DLG2: variants seen among roughly 807,000 people sequenced by gnomAD.
DLG2 encodes the protein discs large MAGUK scaffold protein 2.
A neutral mutation model predicts 132.5 loss-of-function variants in DLG2; 45 were observed. The observed-to-expected ratio is 0.34, with a 90% CI of 0.27 to 0.44. The LOEUF (loss-of-function observed/expected upper bound fraction) is 0.44. Among genes scored for constraint, DLG2 ranks in the 20% least tolerant of loss-of-function variants. DLG2 has a pLI of 1.00. For synonymous variants in DLG2, 424 were observed against 419.6 expected (o/e 1.01, Z -0.13); for missense variants, 1,045 against 1,196.9 (o/e 0.87, Z 1.87).
In DLG2 at chr11:83,930,317, G is replaced by A. The variant is rs190541287; in HGVS notation, c.1496+11C>T. The A allele has an allele frequency of 2.4e-5, 38 of 1,612,776 alleles. No homozygotes were observed. The highest frequency in any genetic ancestry group is 1.2e-4 in the African/African-American group (9 of 75,016). The stretch of plus-strand genomic sequence containing the variant: ...GTTCGAGAAGATGAAGTGAGGAAGC[G>A]CATGCAGTACCTGGTCATCTCAGAG... On this transcript the variant is annotated intron_variant, in intron 15 of 27. Coordinates refer to ENST00000376104, the MANE Select transcript of DLG2 (RefSeq NM_001142699.3).
intron 10 of DLG2, among the ~76,000 whole-genome samples, chr11:84,065,182 C>T (rs1186542088): frequency 6.6e-6 from 1 of 152,022 alleles, no homozygotes; most frequent in African/African-American, 2.4e-5. Flanking sequence ...GATAAAGATG[C>T]CAAAAGCAAT....
At chr11:85,122,653 C>G (rs543960967) in intron 5 of DLG2, among the ~76,000 whole-genome samples, 1 of 151,956 alleles carries the variant, frequency 6.6e-6, no homozygotes, top group Admixed American at 6.6e-5. Context: ...AACGCAGATT[C>G]TGATTCAGTA....
chr11:85,496,277 C>T (rs554721041), intron 3 of DLG2, among the ~76,000 whole-genome samples: 2 of 152,326 alleles, frequency 1.3e-5, no homozygotes, highest in East Asian at 3.9e-4. Context: ...AGGTCTCACT[C>T]CCATGGAGCA....
intron 3 of DLG2, among the ~76,000 whole-genome samples, chr11:85,415,297 G>A (rs769657315): frequency 9.9e-5 from 15 of 152,134 alleles, no homozygotes; most frequent in Non-Finnish European, 2.1e-4. Flanking sequence ...CTTTGCTATT[G>A]TGAATAGTGC....
chr11:84,709,807 G>C (rs1361589293), intron 6 of DLG2, among the ~76,000 whole-genome samples: 2 of 151,878 alleles, frequency 1.3e-5, no homozygotes, highest in Non-Finnish European at 2.9e-5. Flanking sequence ...CACTTCTCAA[G>C]AAGTGTTGGA....
At chr11:84,054,538 T>A (rs577313438) in intron 11 of DLG2, among the ~76,000 whole-genome samples, 1 of 152,064 alleles carries the variant, frequency 6.6e-6, no homozygotes, top group Non-Finnish European at 1.5e-5. Context: ...TTTCTACCTA[T>A]TTTGAGAAAA....
At chr11:84,338,228 T>C (rs1039693040) in intron 7 of DLG2, among the ~76,000 whole-genome samples, 8 of 152,176 alleles carry the variant, frequency 5.3e-5, no homozygotes, top group Non-Finnish European at 1.0e-4. Flanking sequence ...CCACAGACGT[T>C]TACCCAACTA....
intron 18 of DLG2, among the ~76,000 whole-genome samples, chr11:83,768,061 C>T (rs531155588): frequency 5.3e-5 from 8 of 152,204 alleles, no homozygotes; most frequent in African/African-American, 1.9e-4. Context: ...CCATTATATC[C>T]ATAATCTCAC....
chr11:84,694,942 C>T (rs1595902068), intron 6 of DLG2, among the ~76,000 whole-genome samples: 2 of 151,674 alleles, frequency 1.3e-5, no homozygotes, highest in East Asian at 1.9e-4. Flanking sequence ...AATTTATTAA[C>T]AGTTAACATG....
At chr11:83,899,390 T>C (rs1191915474) in intron 15 of DLG2, among the ~76,000 whole-genome samples, 2 of 152,200 alleles carry the variant, frequency 1.3e-5, no homozygotes, top group African/African-American at 4.8e-5. Flanking sequence ...TGTGAAGTGA[T>C]GTTGGTTCTA....
chr11:84,369,652 T>C (rs1227854175), intron 7 of DLG2, among the ~76,000 whole-genome samples: 1 of 152,134 alleles, frequency 6.6e-6, no homozygotes, highest in Admixed American at 6.6e-5. Context: ...AAAGGCTTCA[T>C]GCCACAGACA....
chr11:84,052,229 G>T (rs1393647767), intron 11 of DLG2, among the ~76,000 whole-genome samples: 1 of 151,480 alleles, frequency 6.6e-6, no homozygotes, highest in Admixed American at 6.6e-5. Flanking sequence ...TAGAGCTAAA[G>T]AAAAAATACA....
intron 14 of DLG2, among the ~76,000 whole-genome samples, chr11:83,948,443 A>G (rs1219022249): frequency 6.6e-6 from 1 of 152,148 alleles, no homozygotes; most frequent in Non-Finnish European, 1.5e-5. Context: ...CTCCCCACCC[A>G]GCACTCCATG....
At chr11:83,840,512 A>C (rs535243020) in intron 16 of DLG2, among the ~76,000 whole-genome samples, 1 of 152,204 alleles carries the variant, frequency 6.6e-6, no homozygotes, top group Non-Finnish European at 1.5e-5. Context: ...CAGGATGAGA[A>C]GGAAATATAG....
intron 8 of DLG2, among the ~76,000 whole-genome samples, chr11:84,173,788 T>C (rs907633653): frequency 2.0e-5 from 3 of 152,134 alleles, no homozygotes; most frequent in African/African-American, 7.2e-5. Flanking sequence ...TTCCCAGTCT[T>C]CATTTGCCCT....
At chr11:85,294,833 A>G (rs1410923629) in intron 3 of DLG2, among the ~76,000 whole-genome samples, 1 of 152,168 alleles carries the variant, frequency 6.6e-6, no homozygotes, top group Non-Finnish European at 1.5e-5. Context: ...ATTGTTATTT[A>G]CAAGTTTTTA....
intron 6 of DLG2, among the ~76,000 whole-genome samples, chr11:84,730,249 T>A (rs2062996625): frequency 6.6e-6 from 1 of 152,008 alleles, no homozygotes; most frequent in Non-Finnish European, 1.5e-5. Context: ...GAAAGTTAAT[T>A]TTCTTAAGTA....
chr11:85,297,721 G>A (rs574290690), intron 3 of DLG2, among the ~76,000 whole-genome samples: 2 of 152,216 alleles, frequency 1.3e-5, no homozygotes, highest in Non-Finnish European at 2.9e-5. Context: ...TGGTGAAGGA[G>A]TTTGGAGAAC....
intron 11 of DLG2, among the ~76,000 whole-genome samples, chr11:84,038,694 G>C (rs945452113): frequency 6.6e-6 from 1 of 151,978 alleles, no homozygotes; most frequent in African/African-American, 2.4e-5. Context: ...CTGTTAGTCT[G>C]TTCTCACACT....
Sources: allele counts gnomAD v4.1 joint callset (sites outside exome capture counted in the v4.1 genomes callset), GRCh38; gene constraint gnomAD v4.1.1; transcripts MANE v1.5; gene names NCBI Gene and HGNC (gene_info 2026-07-23, HGNC 2026-07-21).